The following SLC9A1 variants were observed in gnomAD, a reference collection of about 807,000 sequenced individuals.
SLC9A1 encodes the protein sodium/hydrogen exchanger 1.
A neutral mutation model predicts 67.9 loss-of-function variants in SLC9A1; 22 were observed. The ratio of observed to expected loss-of-function variants is 0.32; its 90% CI spans 0.23 to 0.46. The LOEUF is 0.46. Among genes scored for constraint, SLC9A1 ranks in the 20% least tolerant of loss-of-function variants. The probability of loss-of-function intolerance (pLI) is 1.00; values close to 1 mark genes in which losing one functional copy is unlikely to be tolerated. For synonymous variants in SLC9A1, 421 were observed against 471.8 expected, an observed-to-expected ratio of 0.89 and a Z score of 1.40; for missense variants, 686 against 1,094.8, an observed-to-expected ratio of 0.63 and a Z score of 5.27.
chr1:27,111,203 G>A (rs2083225460), intron 2 of SLC9A1, among the ~76,000 whole-genome samples: 1 of 152,112 alleles, frequency 6.6e-6, no homozygotes, highest in Non-Finnish European at 1.5e-5. Flanking sequence ...CTCAGCCGTG[G>A]GCTAAACTCA....
At chr1:27,139,558 T>C (rs1051299265) in intron 1 of SLC9A1, among the ~76,000 whole-genome samples, 1 of 151,246 alleles carries the variant, frequency 6.6e-6, no homozygotes, top group Non-Finnish European at 1.5e-5. Context: ...CTGTCCTCAC[T>C]GCCTATACCA....
intron 1 of SLC9A1, among the ~76,000 whole-genome samples, chr1:27,139,579 C>T (rs1010520159): frequency 6.6e-6 from 1 of 151,264 alleles, no homozygotes; most frequent in Non-Finnish European, 1.5e-5. Context: ...GGGCGACAGC[C>T]ATCACAGGTG....
chr1:27,118,923 C>T lies in SLC9A1; in HGVS notation c.353-4637G>A, dbSNP rs1467971458. 1.3e-5 allele frequency among the ~76,000 whole-genome samples: 2 copies of T among 152,048 alleles called. No individual in the cohort carries two copies. Among genetic ancestry groups the T allele is most frequent in the East Asian group, 3.9e-4 (2 of 5,176 alleles). The stretch of plus-strand genomic sequence containing the variant: ...ACGAAAGTGTGGAATTCAACATCTC[C>T]AAGCACAGCCACAGGCCAAACCCTC... On this transcript the variant is annotated intron_variant, in intron 1 of 11. Coordinates refer to ENST00000263980, the MANE Select transcript of SLC9A1 (RefSeq NM_003047.5). The surrounding 1 kb of genome is among the most constrained non-coding windows in gnomAD (Gnocchi z 4.3).
intron 1 of SLC9A1, among the ~76,000 whole-genome samples, chr1:27,146,163 G>A (rs1253217397): frequency 6.6e-6 from 1 of 152,192 alleles, no homozygotes; most frequent in South Asian, 2.1e-4. Context: ...CAGGTCCTGG[G>A]TGTGCTGAGC....
intron 1 of SLC9A1, among the ~76,000 whole-genome samples, chr1:27,143,525 G>T (rs1376450523): frequency 6.6e-6 from 1 of 152,178 alleles, no homozygotes; most frequent in African/African-American, 2.4e-5. Flanking sequence ...TTGAAGCCAG[G>T]GCTCAATGAC....
intron 3 of SLC9A1, among the ~76,000 whole-genome samples, chr1:27,108,086 G>A (rs1243699957): frequency 2.9e-5 from 1 of 34,436 alleles, no homozygotes; most frequent in Non-Finnish European, 5.8e-5. Flanking sequence ...TTTTTTTTTT[G>A]AGACGAGTCT....
chr1:27,120,076 A>G (rs1416346428), intron 1 of SLC9A1, among the ~76,000 whole-genome samples: 1 of 152,118 alleles, frequency 6.6e-6, no homozygotes, highest in Non-Finnish European at 1.5e-5. Flanking sequence ...ACCTCAAAAA[A>G]AAAAAGTATT....
At position 27,108,945 on chromosome 1, in the gene SLC9A1, TC is replaced by T. The variant is rs573947431; in HGVS notation, c.1064+581del. Among the ~76,000 whole-genome samples the T allele has an allele frequency of 6.5e-4, 99 of 152,230 alleles. 2 individuals are homozygous for T. The South Asian group carries it at 0.015, about 23-fold the overall frequency. ...AGCAGCTGCTTGGAGCTCGGAGTCC[TC>T]CCAGCCCAGTGCTCACACCCGGGCT... On this transcript the variant is annotated intron_variant, in intron 3 of 11. Transcript: ENST00000263980.
intron 1 of SLC9A1, among the ~76,000 whole-genome samples, chr1:27,124,425 CT>C (rs2124173571): frequency 6.6e-6 from 1 of 152,306 alleles, no homozygotes; most frequent in East Asian, 1.9e-4. Context: ...TTATATATAA[CT>C]TCAACTTGCT....
chr1:27,102,310 C>A (rs954637978), intron 8 of SLC9A1, 75 bp downstream of exon 8: 93 of 1,500,528 alleles, frequency 6.2e-5, no homozygotes, highest in Admixed American at 5.8e-5. Flanking sequence ...CCCCGCCCCC[C>A]AGGTGGCCAC....
At position 27,114,024 on chromosome 1, in the gene SLC9A1, G is replaced by A. The variant is rs368057476; in HGVS notation, c.615C>T (p.Gly205=). 1.4e-4 allele frequency: 232 copies of A among 1,613,980 alleles called. No homozygotes were observed. Among genetic ancestry groups the A allele is most frequent in the Middle Eastern group, 4.9e-4 (3 of 6,084 alleles). ...CCAGGCACACGGCGTACATGAGGCC[G>A]CCCAGGAAGAAGGCGTTCCACAGCG... ...VGTLWNAFFL[G]GLMYAVCLVG... The change falls in exon 2 of 12, where the codon GGC becomes GGT. Residue 205 remains glycine, a synonymous_variant. Transcript: ENST00000263980. The surrounding 1 kb of genome is among the most constrained non-coding windows in gnomAD (Gnocchi z 5.4).
intron 1 of SLC9A1, among the ~76,000 whole-genome samples, chr1:27,146,661 C>T (rs190289960): frequency 1.7e-3 from 261 of 152,232 alleles, no homozygotes; most frequent in African/African-American, 6.0e-3. Context: ...TACCTGTGGT[C>T]CCAGCTACTC....
intron 1 of SLC9A1, among the ~76,000 whole-genome samples, chr1:27,130,452 C>G (rs375963674): frequency 2.0e-5 from 3 of 152,296 alleles, no homozygotes; most frequent in East Asian, 1.9e-4. Flanking sequence ...TGCCCTGGTT[C>G]TGTGTGTGCC....
chr1:27,117,314 C>CTG (rs1409012416), intron 1 of SLC9A1, among the ~76,000 whole-genome samples: 6 of 152,222 alleles, frequency 3.9e-5, no homozygotes, highest in Non-Finnish European at 7.3e-5. Flanking sequence ...TGCATGCTGA[C>CTG]CCCCCTCCAC....
At chr1:27,104,769 T>C (rs972390165) in intron 5 of SLC9A1, among the ~76,000 whole-genome samples, 3 of 152,120 alleles carry the variant, frequency 2.0e-5, no homozygotes, top group African/African-American at 4.8e-5. Context: ...TGCAAAGATG[T>C]ATCCCATCTA....
intron 1 of SLC9A1, among the ~76,000 whole-genome samples, chr1:27,147,887 A>G (rs970242459): frequency 5.3e-5 from 8 of 151,884 alleles, no homozygotes; most frequent in Admixed American, 2.6e-4. Context: ...CCCACTACTC[A>G]GGAGGCTGAG....
chr1:27,109,637 G>A lies in SLC9A1; in HGVS notation c.954C>T (p.Phe318=). 1.2e-6 allele frequency: 2 copies of A among 1,613,862 alleles called. No homozygotes were observed. Among genetic ancestry groups the A allele is most frequent in the Non-Finnish European group, 1.7e-6 (2 of 1,179,966 alleles). ...VGVVYGVIAA[F]TSRFTSHIRV... ...GGATGTGGGAGGTAAATCGGGAGGT[G>A]AAGGCTGCGATGACCCCGTAGACCA... The change falls in exon 3 of 12, where the codon TTC becomes TTT. Residue 318 remains phenylalanine, a synonymous_variant. Transcript: ENST00000263980. This position sits in a 1 kb window ranked among gnomAD's most constrained non-coding sequence, Gnocchi z 5.5.
chr1:27,153,249 G>A (rs2083542664), intron 1 of SLC9A1, among the ~76,000 whole-genome samples: 1 of 151,938 alleles, frequency 6.6e-6, no homozygotes, highest in Admixed American at 6.6e-5. Context: ...GGTGAGCTGG[G>A]GTCAGACCAA....
At chr1:27,124,943 T>C in intron 1 of SLC9A1, among the ~76,000 whole-genome samples, 1 of 152,048 alleles carries the variant, frequency 6.6e-6, no homozygotes, top group Non-Finnish European at 1.5e-5. Context: ...GACTGCAGAA[T>C]GGCAAATGCA....
Sources: gnomAD v4.1 joint callset for allele counts (sites outside exome capture counted in the v4.1 genomes callset) on GRCh38, gnomAD v4.1.1 for gene constraint, Gnocchi (gnomAD v3.1) non-coding constraint, MANE v1.5 for transcripts, NCBI Gene and HGNC (gene_info 2026-07-23, HGNC 2026-07-21) for gene names.